ZCCHC14: variants seen among roughly 807,000 people sequenced by gnomAD.
The protein encoded by ZCCHC14 is zinc finger CCHC domain-containing protein 14.
A neutral mutation model predicts 85.0 loss-of-function variants in ZCCHC14; 16 were observed. The observed-to-expected ratio is 0.19, with a 90% confidence interval of 0.13 to 0.29. The LOEUF (loss-of-function observed/expected upper bound fraction) is 0.29. ZCCHC14 is among the 10% of genes least tolerant of loss of function. The pLI, the probability that ZCCHC14 is intolerant of heterozygous loss-of-function variation, is 1.00. For synonymous variants in ZCCHC14, 775 were observed against 630.7 expected (o/e 1.23, Z -3.43); for missense variants, 1,303 against 1,443.5 (o/e 0.90, Z 1.58).
intron 2 of ZCCHC14, among the ~76,000 whole-genome samples, chr16:87,455,959 G>C (rs1307670386): frequency 1.3e-5 from 2 of 152,126 alleles, no homozygotes; most frequent in African/African-American, 4.8e-5. Context: ...TAGCAGGTGT[G>C]GTGTATTCAC....
At chr16:87,449,829 G>C (rs1170830095) in intron 2 of ZCCHC14, among the ~76,000 whole-genome samples, 1 of 152,172 alleles carries the variant, frequency 6.6e-6, no homozygotes, top group East Asian at 1.9e-4. Context: ...TGGATGGCTT[G>C]AGCCCAGGAG....
chr16:87,414,604 C>T, intron 9 of ZCCHC14, 63 bp from the exon 10 acceptor site: 1 of 1,544,264 alleles, frequency 6.5e-7, no homozygotes, highest in South Asian at 1.2e-5. Flanking sequence ...TCACATGCGG[C>T]TTCAAGACGG....
chr16:87,408,511 T>C lies in ZCCHC14; in HGVS notation c.*1769A>G, dbSNP rs1908300692. 1 of 152,616 alleles carries C rather than the reference T, an allele frequency of 6.6e-6. No individual in the cohort carries two copies. The highest frequency in any genetic ancestry group is 6.5e-5 in the Admixed American group (1 of 15,286). The allele number at this position is 152,616 out of a possible 1,614,324, so 9.5% of individuals were successfully genotyped here. A position where few individuals can be genotyped will look rare whatever the true frequency, so the allele number is the denominator to read the frequency against. On this transcript the variant is annotated 3_prime_UTR_variant, in exon 13 of 13. Transcript: ENST00000671377. ...TTGACATTTTGTAGTGTTTACAATTTAAGAGATCAACGTAACATTCCCCTA... is the reference window on the plus strand; with the variant it reads ...TTGACATTTTGTAGTGTTTACAATTCAAGAGATCAACGTAACATTCCCCTA...
intron 2 of ZCCHC14, among the ~76,000 whole-genome samples, chr16:87,454,618 G>C (rs1910863071): frequency 6.6e-6 from 1 of 152,318 alleles, no homozygotes; most frequent in African/African-American, 2.4e-5. Context: ...AAATGTGAAA[G>C]GAAGTTCTTC....
At position 87,411,977 on chromosome 16, in the gene ZCCHC14, G is replaced by A; in HGVS notation, c.2744C>T (p.Pro915Leu). 6.2e-7 allele frequency: 1 copy of A among 1,606,372 alleles called. No individual in the cohort carries two copies. Among genetic ancestry groups the A allele is most frequent in the Non-Finnish European group, 8.5e-7 (1 of 1,177,768 alleles). The stretch of plus-strand genomic sequence containing the variant: ...AATGCAGCCTGGCGGGGGTGGGGCG[G>A]GCTGCGGGGGTGCCGGGGGCTGCTG... ...HHQQPPAPPQ[P>L]APPPPGCIVC... Residue 915 changes from proline to leucine, a missense_variant, in exon 12 of 13, where the codon CCC (proline) becomes CTC (leucine). By Grantham distance (98) the Pro-to-Leu change is moderately conservative. Coordinates refer to ENST00000671377, the MANE Select transcript of ZCCHC14 (RefSeq NM_015144.3).
chr16:87,463,244 T>C (rs1911358792), intron 1 of ZCCHC14, among the ~76,000 whole-genome samples: 1 of 152,000 alleles, frequency 6.6e-6, no homozygotes, highest in African/African-American at 2.4e-5. Flanking sequence ...TAGCTGGGTG[T>C]CGTGGCCTGT....
intron 2 of ZCCHC14, among the ~76,000 whole-genome samples, chr16:87,458,771 C>G (rs900103280): frequency 1.3e-5 from 2 of 152,142 alleles, no homozygotes; most frequent in African/African-American, 4.8e-5. Flanking sequence ...CGTGGCGCAC[C>G]TGCTAGGAGA....
In ZCCHC14 at chr16:87,420,581, C is replaced by A; in HGVS notation, c.950+26G>T. The stretch of plus-strand genomic sequence containing the variant: ...AGCCTGTCCTTGCCAGCTGTGGACG[C>A]GCCGGGTGCCTGGTAAGGGCCTCAC... On this transcript the variant is annotated intron_variant, in intron 5 of 12. Coordinates refer to ENST00000671377, the MANE Select transcript of ZCCHC14 (RefSeq NM_015144.3). The surrounding 1 kb of genome is among the most constrained non-coding windows in gnomAD (Gnocchi z 5.0). 4 of 1,587,600 alleles carry A rather than the reference C, an allele frequency of 2.5e-6. No homozygotes were observed. The highest frequency in any genetic ancestry group is 3.4e-6 in the Non-Finnish European group (4 of 1,163,016).
rs766309936 is a variant in ZCCHC14, at chr16:87,460,024, T to C, written c.678A>G (p.Leu226=). ...TGCACTCACCTTTGCTGTGTTTTCC[T>C]AAGGGCCTCTTGGGCAGCGACTCCT... ...STEESLPKRP[L]GKHSKVSVEK... Residue 226 remains leucine, a synonymous_variant, in exon 2 of 13, where the codon TTA becomes TTG. Transcript: ENST00000671377. The C allele has an allele frequency of 4.3e-6, 7 of 1,614,086 alleles. No individual in the cohort carries two copies. Among genetic ancestry groups the C allele is most frequent in the Non-Finnish European group, 5.9e-6 (7 of 1,180,040 alleles).
chr16:87,451,753 G>A lies in ZCCHC14; in HGVS notation c.694+8255C>T, dbSNP rs894825907. On this transcript the variant is annotated intron_variant, in intron 2 of 12. Coordinates refer to ENST00000671377, the MANE Select transcript of ZCCHC14 (RefSeq NM_015144.3). ...AGGACAGTGCTGTTGTCATTGGAGC[G>A]GAAGGGGAGCGTCAGGAGCTGATAC... 2.6e-5 allele frequency among the ~76,000 whole-genome samples: 4 copies of A among 152,314 alleles called. No homozygotes were observed. The South Asian group carries it at 6.2e-4, about 24-fold the overall frequency.
rs571327266 is a variant in ZCCHC14 at position 87,419,838 on chromosome 16, G to T, written c.990C>A (p.Asp330Glu). The change falls in exon 6 of 13, where the codon GAC becomes GAA. Residue 330 changes from aspartate to glutamate, a missense_variant. Around this residue, in one of 7 missense-constraint regions of ZCCHC14, gnomAD observed 389 missense variants for 397.8 expected, o/e 0.98. Coordinates refer to ENST00000671377, the MANE Select transcript of ZCCHC14 (RefSeq NM_015144.3). ...AAGTGCTGAGAAACCTCCTGACATG[G>T]TCATTTTTCAACACGTGAGAAGGTA... ...ASLPSHVLKNDHVRRFLSTSS... is the reference protein window; with the variant it reads ...ASLPSHVLKNEHVRRFLSTSS... 3 of 1,612,952 alleles carry T rather than the reference G, an allele frequency of 1.9e-6. No homozygotes were observed. The African/African-American group carries it at 4.0e-5, about 22-fold the overall frequency.
chr16:87,456,533 CAAAA>C (rs60817141), intron 2 of ZCCHC14, among the ~76,000 whole-genome samples: 6 of 63,374 alleles, frequency 9.5e-5, no homozygotes, highest in South Asian at 8.0e-4. Flanking sequence ...ACTCTGTCTC[CAAAA>C]AAAAAAAAAA....
At chr16:87,411,473 G>T in intron 12 of ZCCHC14, 43 bp downstream of exon 12, 1 of 1,605,764 alleles carries the variant, frequency 6.2e-7, no homozygotes, top group Non-Finnish European at 8.5e-7. Context: ...GTGTGCACTG[G>T]TCCTGCGGGA....
chr16:87,407,655 C>G lies in ZCCHC14; in HGVS notation c.*2625G>C, dbSNP rs1353709691. The G allele has an allele frequency of 5.3e-5, 8 of 152,234 alleles. No homozygotes were observed. The highest frequency in any genetic ancestry group is 5.2e-4 in the Admixed American group (8 of 15,284). 9.4% of individuals were successfully genotyped at this position (152,234 alleles called of 1,614,324 possible). On this transcript the variant is annotated 3_prime_UTR_variant, in exon 13 of 13. Coordinates refer to ENST00000671377, the MANE Select transcript of ZCCHC14 (RefSeq NM_015144.3). ...CAGACTACAAAGGGCAAAGACGTGGCACATGGCCAGTGCCACACCTACCTG... is the reference window on the plus strand; with the variant it reads ...CAGACTACAAAGGGCAAAGACGTGGGACATGGCCAGTGCCACACCTACCTG...
At chr16:87,436,299 T>C (rs894342980) in intron 2 of ZCCHC14, among the ~76,000 whole-genome samples, 10 of 152,236 alleles carry the variant, frequency 6.6e-5, no homozygotes, top group Non-Finnish European at 1.2e-4. Flanking sequence ...CTCTGCAGAA[T>C]GGCTAGCCTG....
At chr16:87,442,984 A>G (rs890692735) in intron 2 of ZCCHC14, among the ~76,000 whole-genome samples, 12 of 152,250 alleles carry the variant, frequency 7.9e-5, no homozygotes, top group African/African-American at 2.4e-4. Flanking sequence ...AAGAACTGCT[A>G]AAGTTCTTTG....
At chr16:87,451,088 T>C (rs973524580) in intron 2 of ZCCHC14, among the ~76,000 whole-genome samples, 1 of 149,228 alleles carries the variant, frequency 6.7e-6, no homozygotes, top group East Asian at 2.0e-4. Flanking sequence ...TTAGTAGAAA[T>C]GGGCTTTCAC....
intron 2 of ZCCHC14, among the ~76,000 whole-genome samples, chr16:87,439,430 G>A (rs1293761486): frequency 6.6e-6 from 1 of 152,154 alleles, no homozygotes; most frequent in Non-Finnish European, 1.5e-5. Context: ...ACTGTGCCTG[G>A]CCACAAGTTC....
chr16:87,461,438 C>T (rs1053237895), intron 1 of ZCCHC14, among the ~76,000 whole-genome samples: 1 of 152,150 alleles, frequency 6.6e-6, no homozygotes, highest in Non-Finnish European at 1.5e-5. Context: ...ATATGAGAGG[C>T]GTAAGATTTT....
Sources: allele counts gnomAD v4.1 joint callset (sites outside exome capture counted in the v4.1 genomes callset), GRCh38; gene constraint gnomAD v4.1.1; regional missense constraint gnomAD v4.1.1; non-coding constraint Gnocchi (gnomAD v3.1); transcripts MANE v1.5; gene names NCBI Gene and HGNC (gene_info 2026-07-23, HGNC 2026-07-21).